The following PTPRD variants were observed in gnomAD, a reference collection of about 807,000 sequenced individuals.
The protein encoded by PTPRD is receptor-type tyrosine-protein phosphatase delta.
PTPRD carries 34 observed loss-of-function variants against 214.5 expected under a neutral mutation model. The observed-to-expected ratio is 0.16, with a 90% CI of 0.12 to 0.21. The LOEUF is 0.21. PTPRD is among the 10% of genes least tolerant of loss of function. PTPRD has a pLI of 1.00. For synonymous variants in PTPRD, 1,128 were observed against 845.7 expected (o/e 1.33, Z -5.79); for missense variants, 2,545 against 2,398.7 (o/e 1.06, Z -1.27).
At chr9:10,385,349 T>G (rs1205698338) in intron 2 of PTPRD, among the ~76,000 whole-genome samples, 2 of 151,828 alleles carry the variant, frequency 1.3e-5, no homozygotes, top group Non-Finnish European at 2.9e-5. Context: ...AATGGTTATT[T>G]TTTCTTGTAG....
At chr9:9,636,287 T>G (rs537406436) in intron 7 of PTPRD, among the ~76,000 whole-genome samples, 1 of 152,232 alleles carries the variant, frequency 6.6e-6, no homozygotes, top group Non-Finnish European at 1.5e-5. Flanking sequence ...TAGGACTTTT[T>G]GCATAGTTTG....
intron 34 of PTPRD, among the ~76,000 whole-genome samples, chr9:8,441,853 C>T (rs568639599): frequency 4.8e-4 from 73 of 152,158 alleles, no homozygotes; most frequent in Non-Finnish European, 8.7e-4. Context: ...AATCTGATCC[C>T]ATACCCCGTA....
chr9:9,877,830 A>T (rs140862860), intron 5 of PTPRD, among the ~76,000 whole-genome samples: 184 of 152,090 alleles, frequency 1.2e-3, no homozygotes, highest in African/African-American at 4.2e-3. Context: ...AAAATTAGCC[A>T]GGCACGGTGG....
chr9:10,120,115 A>C (rs2098763233), intron 3 of PTPRD, among the ~76,000 whole-genome samples: 1 of 152,056 alleles, frequency 6.6e-6, no homozygotes, highest in South Asian at 2.1e-4. Context: ...AAAACAAAAT[A>C]AAACTGACAT....
At chr9:10,014,469 G>A (rs1260223034) in intron 4 of PTPRD, among the ~76,000 whole-genome samples, 2 of 152,010 alleles carry the variant, frequency 1.3e-5, no homozygotes, top group Non-Finnish European at 2.9e-5. Context: ...AGTTATTGCT[G>A]TATTCAAATG....
intron 5 of PTPRD, among the ~76,000 whole-genome samples, chr9:9,815,873 T>A (rs553872644): frequency 1.3e-5 from 2 of 152,248 alleles, no homozygotes; most frequent in Admixed American, 1.3e-4. Flanking sequence ...TACTTAAGAT[T>A]TTCTAAGAAA....
chr9:10,193,761 A>G (rs1206884087), intron 3 of PTPRD, among the ~76,000 whole-genome samples: 1 of 152,168 alleles, frequency 6.6e-6, no homozygotes, highest in Non-Finnish European at 1.5e-5. Flanking sequence ...TAGGAAAGCA[A>G]TTGAATATTT....
At chr9:9,359,049 T>C (rs779662194) in intron 9 of PTPRD, among the ~76,000 whole-genome samples, 1 of 151,370 alleles carries the variant, frequency 6.6e-6, no homozygotes, top group Non-Finnish European at 1.5e-5. Flanking sequence ...GAACAGCTAA[T>C]GATCCCATCA....
chr9:9,691,913 G>C (rs1227366046), intron 7 of PTPRD, among the ~76,000 whole-genome samples: 5 of 151,888 alleles, frequency 3.3e-5, no homozygotes, highest in African/African-American at 1.2e-4. Context: ...TTTGCCATTT[G>C]TATGCCTTCT....
chr9:10,114,872 T>C (rs1411468264), intron 3 of PTPRD, among the ~76,000 whole-genome samples: 3 of 151,972 alleles, frequency 2.0e-5, no homozygotes, highest in African/African-American at 7.2e-5. Flanking sequence ...CTTTAGAATA[T>C]CAATAGCAAT....
intron 7 of PTPRD, among the ~76,000 whole-genome samples, chr9:9,595,472 A>G (rs1479986696): frequency 6.6e-6 from 1 of 150,836 alleles, no homozygotes; most frequent in East Asian, 2.0e-4. Context: ...ATATGTACAC[A>G]TGCATACACA....
At chr9:8,989,350 T>G (rs942821711) in intron 11 of PTPRD, among the ~76,000 whole-genome samples, 1 of 152,100 alleles carries the variant, frequency 6.6e-6, no homozygotes, top group Non-Finnish European at 1.5e-5. Context: ...CCAATTTCTC[T>G]TCATTCCTCC....
At chr9:10,552,784 C>T (rs941116842) in intron 2 of PTPRD, among the ~76,000 whole-genome samples, 2 of 152,154 alleles carry the variant, frequency 1.3e-5, no homozygotes, top group Admixed American at 1.3e-4. Context: ...AAAAAACTCA[C>T]ATTGGATAAG....
intron 35 of PTPRD, among the ~76,000 whole-genome samples, chr9:8,421,630 T>G (rs1397543499): frequency 3.3e-5 from 5 of 152,126 alleles, no homozygotes; most frequent in Admixed American, 6.5e-5. Context: ...GGCCTTGTAC[T>G]CAAGCCTCAA....
chr9:9,530,811 A>C (rs1290574311), intron 8 of PTPRD, among the ~76,000 whole-genome samples: 1 of 152,158 alleles, frequency 6.6e-6, no homozygotes, highest in African/African-American at 2.4e-5. Context: ...ATTTTCACTC[A>C]TATGTCAGGG....
rs965610857 is a variant in PTPRD at position 10,507,282 on chromosome 9, T to A, written c.-600+105116A>T. ...TTCAATGATAACTACAAACCACTGCTCAATGAAATAAAAGAGGACACAAAA... is the reference window on the plus strand; with the variant it reads ...TTCAATGATAACTACAAACCACTGCACAATGAAATAAAAGAGGACACAAAA... On this transcript the variant is annotated intron_variant, in intron 2 of 45. Coordinates refer to ENST00000381196, the MANE Select transcript of PTPRD (RefSeq NM_002839.4). Among the ~76,000 whole-genome samples, 4 of 151,938 alleles carry A rather than the reference T, an allele frequency of 2.6e-5. 1 individual carries two copies. Among genetic ancestry groups the A allele is most frequent in the Admixed American group, 2.0e-4 (3 of 15,254 alleles).
intron 14 of PTPRD, among the ~76,000 whole-genome samples, chr9:8,579,565 C>T (rs1042491524): frequency 3.9e-5 from 6 of 152,118 alleles, no homozygotes; most frequent in Non-Finnish European, 8.8e-5. Context: ...CCCACAGTGC[C>T]TGTCATAAAA....
At chr9:8,655,924 G>A (rs747236897) in intron 12 of PTPRD, among the ~76,000 whole-genome samples, 3 of 151,890 alleles carry the variant, frequency 2.0e-5, no homozygotes, top group Non-Finnish European at 2.9e-5. Flanking sequence ...AATCTTCCAT[G>A]GTTCGCTACT....
chr9:8,525,218 T>A (rs753982851), intron 17 of PTPRD, 183 bp from the exon 18 acceptor site: 1 of 196,662 alleles, frequency 5.1e-6, no homozygotes, highest in Non-Finnish European at 9.7e-6. Flanking sequence ...ATAGAGATTA[T>A]TTTTTTTTTT....
Sources: allele counts gnomAD v4.1 joint callset (sites outside exome capture counted in the v4.1 genomes callset), GRCh38; gene constraint gnomAD v4.1.1; transcripts MANE v1.5; gene names NCBI Gene and HGNC (gene_info 2026-07-23, HGNC 2026-07-21).